CBR4: variants seen among roughly 807,000 people sequenced by gnomAD.
CBR4 encodes carbonyl reductase 4, also known as 3-oxoacyl-[acyl-carrier-protein] reductase.
A neutral mutation model predicts 21.0 loss-of-function variants in CBR4; 22 were observed. The ratio of observed to expected loss-of-function variants is 1.05; its 90% confidence interval spans 0.75 to 1.50. CBR4 has a LOEUF of 1.50. Among genes scored for constraint, CBR4 ranks in the 40% most tolerant of loss-of-function variants. CBR4 has a pLI of 0.00. For missense variants in CBR4, 302 were observed against 286.3 expected (o/e 1.05, Z -0.40); for synonymous variants, 100 against 104.4 (o/e 0.96, Z 0.26).
At chr4:168,927,002 T>TTTTTTTTCTTTATGTGTAGTG (rs1481760510) in intron 2 of CBR4, 1 of 217,120 alleles carries the variant, frequency 4.6e-6, no homozygotes, top group Non-Finnish European at 9.3e-6. Flanking sequence ...GTTCTTAACA[T>TTTTTTTTCTTTATGTGTAGTG]TTTTTTTCTT....
intron 2 of CBR4, among the ~76,000 whole-genome samples, chr4:168,977,617 T>C (rs971369741): frequency 1.3e-5 from 2 of 152,220 alleles, no homozygotes; most frequent in Admixed American, 1.3e-4. Context: ...GATGATATAT[T>C]TCTTGCCCGG....
At chr4:168,897,916 C>A (rs1566496) in intron 2 of CBR4, 113,366 of 151,532 alleles carry the variant, frequency 0.75, 42,689 homozygotes, top group East Asian at 0.96. Context: ...GCTGAGGAGG[C>A]GGCCCTTGCA....
At position 168,947,542 on chromosome 4, in the gene CBR4, A is replaced by T. The variant is rs113174101; in HGVS notation, n.170-52777T>A. Reference sequence around the variant, plus strand: ...ATCGTTTATTCCTCACCCCTCTCCCATCCTTCTCCCCAAGTCCCCTAAGTC... The same window carrying T: ...ATCGTTTATTCCTCACCCCTCTCCCTTCCTTCTCCCCAAGTCCCCTAAGTC... On this transcript the variant is annotated intron_variant and non_coding_transcript_variant, in intron 2 of 3. Coordinates refer to the CBR4 transcript ENST00000509108. Among the ~76,000 whole-genome samples, 791 of 152,100 alleles carry T rather than the reference A, an allele frequency of 5.2e-3. 3 individuals carry two copies. Among genetic ancestry groups the T allele is most frequent in the Non-Finnish European group, 8.2e-3 (558 of 67,962 alleles).
At chr4:168,921,015 T>C (rs1176291814) in intron 2 of CBR4, among the ~76,000 whole-genome samples, 1 of 152,166 alleles carries the variant, frequency 6.6e-6, no homozygotes, top group Non-Finnish European at 1.5e-5. Context: ...TCTAGGTTGC[T>C]CTGTAAGAAT....
chr4:168,946,320 T>C (rs1004949265), intron 2 of CBR4, among the ~76,000 whole-genome samples: 3 of 152,238 alleles, frequency 2.0e-5, no homozygotes, highest in African/African-American at 7.2e-5. Context: ...AAAACAGCTA[T>C]AACAATGGTT....
intron 2 of CBR4, among the ~76,000 whole-genome samples, chr4:168,905,276 T>A (rs1054086613): frequency 1.5e-3 from 216 of 143,804 alleles, no homozygotes; most frequent in Non-Finnish European, 2.2e-3. Flanking sequence ...TCAGCCTCCC[T>A]AGTAGCTGGG....
intron 2 of CBR4, among the ~76,000 whole-genome samples, chr4:168,955,753 GTCAAGA>G (rs1763665982): frequency 1.3e-5 from 2 of 152,316 alleles, no homozygotes; most frequent in African/African-American, 4.8e-5. Context: ...AAGTGCATAT[GTCAAGA>G]GACCGGTCAG....
chr4:168,946,093 G>A (rs565437753), intron 2 of CBR4, among the ~76,000 whole-genome samples: 4 of 152,208 alleles, frequency 2.6e-5, no homozygotes, highest in South Asian at 2.1e-4. Flanking sequence ...CATAGGAGAC[G>A]GAACCTTAAA....
chr4:168,986,468 A>G (rs890561691), downstream of CBR4, among the ~76,000 whole-genome samples: 3 of 152,282 alleles, frequency 2.0e-5, no homozygotes, highest in Admixed American at 6.5e-5. Flanking sequence ...TTGCAATTTT[A>G]TATGTGTGTG....
chr4:168,901,082 T>C (rs1756416595), intron 2 of CBR4, among the ~76,000 whole-genome samples: 1 of 152,226 alleles, frequency 6.6e-6, no homozygotes, highest in Non-Finnish European at 1.5e-5. Flanking sequence ...TTTAAACTTT[T>C]CATTGTTAAA....
At chr4:168,987,584 A>C, downstream of CBR4, 1 of 864,108 alleles carries the variant, frequency 1.2e-6, no homozygotes, top group Non-Finnish European at 1.4e-6. Context: ...AATTAACATC[A>C]GAAAGTTTAA....
chr4:168,925,115 C>T (rs764365015), intron 2 of CBR4: 2 of 1,609,986 alleles, frequency 1.2e-6, no homozygotes, highest in Admixed American at 1.7e-5. Flanking sequence ...TGCGTTTACT[C>T]ATTAAATTAT....
At position 168,987,715 on chromosome 4, in the gene CBR4, G is replaced by A. The variant is rs745862717; in HGVS notation, c.*2435C>T. 183 of 984,128 alleles carry A rather than the reference G, an allele frequency of 1.9e-4. No homozygotes were observed. The highest frequency in any genetic ancestry group is 2.1e-4 in the Non-Finnish European group (175 of 829,002). The allele number at this position is 984,128 out of a possible 1,614,324, so 61.0% of individuals were successfully genotyped here. A position where few individuals can be genotyped will look rare whatever the true frequency, so the allele number is the denominator to read the frequency against. The stretch of plus-strand genomic sequence containing the variant: ...GAAAAAATGTTTCACCAATGTTAAG[G>A]TACAACTCTTGAATATGCAGCGTAG... On this transcript the variant is annotated 3_prime_UTR_variant, in exon 5 of 5. Coordinates refer to ENST00000306193, the MANE Select transcript of CBR4 (RefSeq NM_032783.5).
chr4:168,904,105 G>T lies in CBR4; in HGVS notation n.170-9340C>A, dbSNP rs1757118806. On this transcript the variant is annotated intron_variant and non_coding_transcript_variant, in intron 2 of 3. Transcript: ENST00000509108. ...TGAATACTTATTTATTCCATCAGGT[G>T]TTATTCTACTCCTTCCACAAATATT... The T allele has an allele frequency of 5.1e-6, 3 of 593,614 alleles. No homozygotes were observed. The Admixed American group carries it at 8.3e-5, about 16-fold the overall frequency. The allele number at this position is 593,614 out of a possible 1,614,324, so 36.8% of individuals were successfully genotyped here.
rs755990691 is a variant in CBR4, at chr4:168,915,863, TTCTA to T, written n.170-21102_170-21099del. The T allele has an allele frequency of 4.2e-5, 66 of 1,585,312 alleles. No individual in the cohort carries two copies. The African/African-American group carries it at 5.2e-4, about 13-fold the overall frequency. The stretch of plus-strand genomic sequence containing the variant: ...GTCTGGAAGTAACTACTATCTATAT[TTCTA>T]TCTATCTGTCATCTTTCTTGTTTCA... On this transcript the variant is annotated intron_variant and non_coding_transcript_variant, in intron 2 of 3. Transcript: ENST00000509108.
intron 2 of CBR4, among the ~76,000 whole-genome samples, chr4:168,934,273 C>CAAAAAAAAAAAAAA (rs1206272373): frequency 9.4e-5 from 1 of 10,670 alleles, no homozygotes; most frequent in African/African-American, 2.6e-4. Flanking sequence ...ACTAGAAAAG[C>CAAAAAAAAAAAAAA]AAAAAAAACA....
chr4:168,979,710 G>T (rs1318161715), intron 2 of CBR4, among the ~76,000 whole-genome samples: 1 of 152,046 alleles, frequency 6.6e-6, no homozygotes, highest in African/African-American at 2.4e-5. Context: ...TCACCATGTA[G>T]GGCCTCTGGC....
intron 2 of CBR4, among the ~76,000 whole-genome samples, chr4:168,964,006 T>C (rs1040760852): frequency 6.6e-6 from 1 of 152,110 alleles, no homozygotes; most frequent in East Asian, 1.9e-4. Context: ...ATAACTAAAA[T>C]GCAACTGACA....
At chr4:168,912,355 G>A (rs1478400756) in intron 2 of CBR4, among the ~76,000 whole-genome samples, 1 of 152,074 alleles carries the variant, frequency 6.6e-6, no homozygotes, top group Non-Finnish European at 1.5e-5. Context: ...CTCTCTTGCT[G>A]TTACCTTTGG....
Sources: allele counts gnomAD v4.1 joint callset (sites outside exome capture counted in the v4.1 genomes callset), GRCh38; gene constraint gnomAD v4.1.1; transcripts MANE v1.5; gene names NCBI Gene and HGNC (gene_info 2026-07-23, HGNC 2026-07-21).